Variants in SLC24A3 observed in about 807,000 individuals in gnomAD.
The protein encoded by SLC24A3 is solute carrier family 24 member 3, also known as sodium/potassium/calcium exchanger 3.
SLC24A3 carries 28 observed loss-of-function variants against 75.8 expected under a neutral mutation model. The ratio of observed to expected loss-of-function variants is 0.37; its 90% confidence interval spans 0.27 to 0.51. The LOEUF is 0.51. Among genes scored for constraint, SLC24A3 ranks in the 20% least tolerant of loss-of-function variants. The pLI is 0.94. For missense variants in SLC24A3, 663 were observed against 847.8 expected (o/e 0.78, Z 2.71); for synonymous variants, 372 against 334.1 (o/e 1.11, Z -1.24).
intron 2 of SLC24A3, among the ~76,000 whole-genome samples, chr20:19,456,160 C>T (rs922911467): frequency 2.6e-4 from 40 of 152,000 alleles, no homozygotes; most frequent in Admixed American, 2.0e-3. Flanking sequence ...GAGATTTGGG[C>T]CCCACAGTTA....
At chr20:19,337,444 CAAAAT>C (rs1985160937) in intron 2 of SLC24A3, among the ~76,000 whole-genome samples, 1 of 136,252 alleles carries the variant, frequency 7.3e-6, no homozygotes, top group Non-Finnish European at 1.5e-5. Flanking sequence ...AACTCCATCT[CAAAAT>C]AAGTAAATAA....
chr20:19,238,439 C>T (rs146098081), intron 1 of SLC24A3, among the ~76,000 whole-genome samples: 75 of 152,302 alleles, frequency 4.9e-4, no homozygotes, highest in African/African-American at 1.5e-3. Context: ...CATGCCTTTC[C>T]GCCATCACTT....
At chr20:19,303,003 G>GT (rs11477457) in intron 2 of SLC24A3, among the ~76,000 whole-genome samples, 44,743 of 147,514 alleles carry the variant, frequency 0.3, 7,306 homozygotes, top group Middle Eastern at 0.52. Flanking sequence ...AGTGGCCTTT[G>GT]TTTTTTTTTT....
chr20:19,253,553 G>A (rs949434879), intron 1 of SLC24A3, among the ~76,000 whole-genome samples: 1 of 152,162 alleles, frequency 6.6e-6, no homozygotes, highest in African/African-American at 2.4e-5. Flanking sequence ...ATCTTTGCCT[G>A]TAGTATCCGC....
At chr20:19,699,678 T>C (rs1285753972) in intron 15 of SLC24A3, among the ~76,000 whole-genome samples, 1 of 152,182 alleles carries the variant, frequency 6.6e-6, no homozygotes, top group Admixed American at 6.5e-5. Flanking sequence ...TAAAAGGAGC[T>C]GGAAAATGAA....
intron 6 of SLC24A3, among the ~76,000 whole-genome samples, chr20:19,611,727 A>G (rs1022309519): frequency 9.2e-5 from 14 of 152,188 alleles, no homozygotes; most frequent in Admixed American, 7.9e-4. Flanking sequence ...CTCCCAATAC[A>G]GTACTCCTTG....
chr20:19,272,760 G>A (rs912569078), intron 1 of SLC24A3, among the ~76,000 whole-genome samples: 5 of 152,244 alleles, frequency 3.3e-5, no homozygotes, highest in Non-Finnish European at 5.9e-5. Context: ...GATTACCCAG[G>A]TGGTAGCTCT....
intron 2 of SLC24A3, among the ~76,000 whole-genome samples, chr20:19,393,629 T>C (rs1426055712): frequency 6.6e-6 from 1 of 152,066 alleles, no homozygotes; most frequent in African/African-American, 2.4e-5. Flanking sequence ...AATAAAATAC[T>C]TAGGAATAAA....
chr20:19,561,910 T>C (rs375104138), intron 3 of SLC24A3, among the ~76,000 whole-genome samples: 4 of 152,176 alleles, frequency 2.6e-5, no homozygotes, highest in African/African-American at 7.2e-5. Flanking sequence ...CTTCACTGAC[T>C]TATTTACATC....
chr20:19,668,782 A>T (rs2032430097), intron 8 of SLC24A3, among the ~76,000 whole-genome samples: 1 of 152,238 alleles, frequency 6.6e-6, no homozygotes. Context: ...TATTGAATAC[A>T]TACTGGTGTA....
At chr20:19,577,420 A>G (rs2031155707) in intron 3 of SLC24A3, among the ~76,000 whole-genome samples, 1 of 152,154 alleles carries the variant, frequency 6.6e-6, no homozygotes, top group African/African-American at 2.4e-5. Context: ...AGATCTATCA[A>G]TGAGTTATTT....
intron 2 of SLC24A3, among the ~76,000 whole-genome samples, chr20:19,482,871 C>T (rs1022707405): frequency 2.0e-5 from 3 of 152,194 alleles, no homozygotes; most frequent in African/African-American, 7.2e-5. Context: ...GGAGGCTCTG[C>T]ACCTGTGTGT....
At chr20:19,720,686 A>G (rs2033095514) in intron 16 of SLC24A3, among the ~76,000 whole-genome samples, 1 of 152,164 alleles carries the variant, frequency 6.6e-6, no homozygotes, top group South Asian at 2.1e-4. Context: ...AAGGGCCCAC[A>G]GGGGTGTGGA....
intron 7 of SLC24A3, among the ~76,000 whole-genome samples, chr20:19,655,868 T>C (rs1250132212): frequency 6.6e-6 from 1 of 152,122 alleles, no homozygotes; most frequent in East Asian, 1.9e-4. Flanking sequence ...TCAGCCTCCA[T>C]TGTACTGTGA....
At chr20:19,571,990 C>A (rs1016294208) in intron 3 of SLC24A3, among the ~76,000 whole-genome samples, 1 of 152,092 alleles carries the variant, frequency 6.6e-6, no homozygotes, top group African/African-American at 2.4e-5. Flanking sequence ...AGGAAGAAAA[C>A]ATCAGTAGGG....
intron 1 of SLC24A3, among the ~76,000 whole-genome samples, chr20:19,275,863 C>T (rs2295075): frequency 0.17 from 25,569 of 152,030 alleles, 2,969 homozygotes; most frequent in East Asian, 0.56. Flanking sequence ...CTGCAGACTG[C>T]CTCCACCCGT....
intron 1 of SLC24A3, among the ~76,000 whole-genome samples, chr20:19,280,353 G>T (rs1297380928): frequency 2.0e-5 from 3 of 152,106 alleles, no homozygotes; most frequent in Non-Finnish European, 2.9e-5. Context: ...TTATGTCTTT[G>T]CTTGATAACC....
chr20:19,614,922 G>T (rs1354424847), intron 6 of SLC24A3, among the ~76,000 whole-genome samples: 1 of 152,096 alleles, frequency 6.6e-6, no homozygotes, highest in Non-Finnish European at 1.5e-5. Context: ...TGTGTGTGTG[G>T]GTATGTGTGC....
chr20:19,216,459 A>C (rs1981557042), intron 1 of SLC24A3, among the ~76,000 whole-genome samples: 1 of 151,972 alleles, frequency 6.6e-6, no homozygotes, highest in Non-Finnish European at 1.5e-5. Flanking sequence ...AATTTTTTTT[A>C]ATTAGCTGGG....
Sources: gnomAD v4.1 joint callset for allele counts (sites outside exome capture counted in the v4.1 genomes callset) on GRCh38, gnomAD v4.1.1 for gene constraint, MANE v1.5 for transcripts, NCBI Gene and HGNC (gene_info 2026-07-23, HGNC 2026-07-21) for gene names.